The following PDILT variants were observed in gnomAD, a reference collection of about 807,000 sequenced individuals.
The protein encoded by PDILT is protein disulfide-isomerase-like protein of the testis.
A neutral mutation model predicts 53.7 loss-of-function variants in PDILT; 43 were observed. The observed-to-expected ratio is 0.80, with a 90% CI of 0.63 to 1.03. PDILT has a LOEUF of 1.03. Among genes scored for constraint, PDILT ranks in the 50% least tolerant of loss-of-function variants. PDILT has a pLI of 0.00. For synonymous variants in PDILT, 282 were observed against 274.2 expected (o/e 1.03, Z -0.28); for missense variants, 727 against 712.3 (o/e 1.02, Z -0.24).
intron 3 of PDILT, 60 bp downstream of exon 3, chr16:20,384,585 A>ACGCAGAGCC: frequency 6.3e-7 from 1 of 1,597,032 alleles, no homozygotes; most frequent in Non-Finnish European, 8.6e-7. Flanking sequence ...CCTTTACCCT[A>ACGCAGAGCC]TAGCTGTTAA....
In PDILT at chr16:20,399,225, C is replaced by G. The variant is rs9926580; in HGVS notation, c.76G>C (p.Ala26Pro). The G allele has an allele frequency of 3.8e-5, 62 of 1,613,806 alleles. No individual in the cohort carries two copies. Among genetic ancestry groups the G allele is most frequent in the Non-Finnish European group, 4.9e-5 (58 of 1,179,960 alleles). ...GTTATGTGGATGCTGGAAACACCGG[C>G]GTTAACCTCTGGTGAGCTGTGGACA... is the stretch of plus-strand genomic sequence containing the variant. ...SAVHSSPEVN[A>P]GVSSIHITKP... The change falls in exon 2 of 12, where the codon GCC (alanine) becomes CCC (proline). Residue 26 changes from alanine to proline, a missense_variant. Coordinates refer to ENST00000302451, the MANE Select transcript of PDILT (RefSeq NM_174924.2).
At position 20,395,053 on chromosome 16, in the gene PDILT, T is replaced by G. The variant is rs192835260; in HGVS notation, c.202+4046A>C. On this transcript the variant is annotated intron_variant, in intron 2 of 11. Coordinates refer to ENST00000302451, the MANE Select transcript of PDILT (RefSeq NM_174924.2). Reference sequence around the variant, plus strand: ...TAAAGTGGGTAATACATATATAATTTATTTCTTTAAGGGATTTCATTGATC... The same window carrying G: ...TAAAGTGGGTAATACATATATAATTGATTTCTTTAAGGGATTTCATTGATC... 1.4e-4 allele frequency among the ~76,000 whole-genome samples: 22 copies of G among 152,338 alleles called. No individual in the cohort carries two copies. In the East Asian group the frequency reaches 4.0e-3, roughly 28 times the overall value.
At chr16:20,396,370 T>G (rs1034299823) in intron 2 of PDILT, among the ~76,000 whole-genome samples, 3 of 152,230 alleles carry the variant, frequency 2.0e-5, no homozygotes, top group African/African-American at 7.2e-5. Context: ...TTAAGAGAGA[T>G]TCTTTAGAAC....
intron 11 of PDILT, among the ~76,000 whole-genome samples, chr16:20,359,973 G>A (rs1276041852): frequency 2.0e-5 from 3 of 152,224 alleles, no homozygotes; most frequent in East Asian, 1.9e-4. Flanking sequence ...GAGCTGTGGT[G>A]TAATCTTTGA....
chr16:20,375,659 C>T (rs1966374507), intron 4 of PDILT, among the ~76,000 whole-genome samples: 1 of 152,132 alleles, frequency 6.6e-6, no homozygotes. Flanking sequence ...GGTGTATTTT[C>T]GAATGAGTGC....
Position 20,384,684 on chromosome 16 carries a change from A to T in PDILT, c.370T>A (p.Phe124Ile), listed in dbSNP as rs773672538. Residue 124 changes from phenylalanine to isoleucine, a missense_variant, in exon 3 of 12, where the codon TTT (phenylalanine) becomes ATT (isoleucine). Physicochemically the swap from Phe to Ile is conservative, Grantham distance 21. Coordinates refer to ENST00000302451, the MANE Select transcript of PDILT (RefSeq NM_174924.2). Reference protein sequence around the residue: ...GITKAPELKLFFEGNRSEPIS... With the variant: ...GITKAPELKLIFEGNRSEPIS... Reference sequence around the variant, plus strand: ...GGCTCTGACCTGTTGCCCTCAAAAAACAGCTTCAACTCCGGGGCCTTGGTA... The same window carrying T: ...GGCTCTGACCTGTTGCCCTCAAAAATCAGCTTCAACTCCGGGGCCTTGGTA... 4.0e-5 allele frequency: 65 copies of T among 1,614,170 alleles called. No individual in the cohort carries two copies. The highest frequency in any genetic ancestry group is 1.8e-4 in the South Asian group (16 of 91,070).
chr16:20,372,400 C>T (rs1966319772), intron 7 of PDILT, among the ~76,000 whole-genome samples: 1 of 152,202 alleles, frequency 6.6e-6, no homozygotes, highest in Non-Finnish European at 1.5e-5. Context: ...TCCCCACCTT[C>T]AGGCTTTCAT....
chr16:20,362,191 T>A (rs1966113813), intron 10 of PDILT, among the ~76,000 whole-genome samples: 1 of 152,196 alleles, frequency 6.6e-6, no homozygotes, highest in South Asian at 2.1e-4. Context: ...GGGTCAGGGA[T>A]ATGCAAGCTA....
intron 3 of PDILT, among the ~76,000 whole-genome samples, chr16:20,378,852 T>C (rs1260129299): frequency 6.6e-6 from 1 of 152,228 alleles, no homozygotes; most frequent in African/African-American, 2.4e-5. Context: ...TTAGTCTGCC[T>C]GTTCCTGAAC....
intron 2 of PDILT, 26 bp from the exon 3 acceptor site, chr16:20,384,877 G>A: frequency 6.2e-7 from 1 of 1,607,250 alleles, no homozygotes; most frequent in Non-Finnish European, 8.5e-7. Context: ...GACAAAATTT[G>A]AGAGGCCTTT....
At chr16:20,398,708 A>C (rs572749380) in intron 2 of PDILT, among the ~76,000 whole-genome samples, 1 of 152,102 alleles carries the variant, frequency 6.6e-6, no homozygotes, top group Non-Finnish European at 1.5e-5. Context: ...TTCTCTCTAG[A>C]TGTGTTCCAG....
At chr16:20,397,013 A>T (rs139421647) in intron 2 of PDILT, among the ~76,000 whole-genome samples, 2 of 152,364 alleles carry the variant, frequency 1.3e-5, no homozygotes, top group East Asian at 3.9e-4. Flanking sequence ...GGCGAGGATG[A>T]TGATAGTGGA....
chr16:20,383,214 C>G (rs775711284), intron 3 of PDILT, among the ~76,000 whole-genome samples: 57 of 152,284 alleles, frequency 3.7e-4, no homozygotes, highest in Middle Eastern at 3.4e-3. Flanking sequence ...TAAGTGGAGT[C>G]AGTTCTCTCC....
intron 9 of PDILT, among the ~76,000 whole-genome samples, chr16:20,364,399 C>T (rs1348536643): frequency 6.6e-6 from 1 of 152,186 alleles, no homozygotes; most frequent in Non-Finnish European, 1.5e-5. Flanking sequence ...AGTAATAGCA[C>T]TAGAGCTTGT....
intron 10 of PDILT, 97 bp downstream of exon 10, chr16:20,362,307 G>C: frequency 7.7e-7 from 1 of 1,294,840 alleles, no homozygotes; most frequent in Non-Finnish European, 1.1e-6. Context: ...GAATAAAACT[G>C]GTTTGGTAGA....
chr16:20,367,091 CTTT>C (rs1259734724), intron 8 of PDILT, among the ~76,000 whole-genome samples: 3 of 99,308 alleles, frequency 3.0e-5, no homozygotes, highest in African/African-American at 4.2e-5. Context: ...TTCTTTCTTT[CTTT>C]CTTTCTTTCT....
At chr16:20,367,027 CTTTCT>C (rs1750983752) in intron 8 of PDILT, among the ~76,000 whole-genome samples, 1 of 6,208 alleles carries the variant, frequency 1.6e-4, no homozygotes, top group African/African-American at 4.4e-4. Context: ...TCTCTTTCTT[CTTTCT>C]TTCTTTCTTT....
At chr16:20,367,080 T>C (rs972597827) in intron 8 of PDILT, among the ~76,000 whole-genome samples, 6 of 126,914 alleles carry the variant, frequency 4.7e-5, no homozygotes, top group Admixed American at 1.6e-4. Flanking sequence ...TCTTTCTTTC[T>C]TTCTTTCTTT....
intron 8 of PDILT, among the ~76,000 whole-genome samples, chr16:20,369,287 T>A (rs1033993379): frequency 6.6e-6 from 1 of 152,200 alleles, no homozygotes; most frequent in African/African-American, 2.4e-5. Context: ...CAACTAAGAA[T>A]AAGTGGAGGA....
Sources: gnomAD v4.1 joint callset for allele counts (sites outside exome capture counted in the v4.1 genomes callset) on GRCh38, gnomAD v4.1.1 for gene constraint, MANE v1.5 for transcripts, NCBI Gene and HGNC (gene_info 2026-07-23, HGNC 2026-07-21) for gene names.